Variants in CACNG2 observed in about 807,000 individuals in gnomAD.
CACNG2 encodes the protein calcium voltage-gated channel auxiliary subunit gamma 2, also known as voltage-dependent calcium channel gamma-2 subunit.
In CACNG2, 3 loss-of-function variants were observed where a neutral mutation model predicts 25.9. That is an observed-to-expected ratio of 0.12 (90% CI 0.05 to 0.30). CACNG2 has a LOEUF of 0.30. Among genes scored for constraint, CACNG2 ranks in the 10% least tolerant of loss-of-function variants. The pLI is 1.00. For missense variants in CACNG2, 341 were observed against 432.5 expected (o/e 0.79, Z 1.88); for synonymous variants, 167 against 173.3 (o/e 0.96, Z 0.29).
At chr22:36,600,437 T>G (rs1935737912) in intron 1 of CACNG2, among the ~76,000 whole-genome samples, 1 of 82,060 alleles carries the variant, frequency 1.2e-5, no homozygotes, top group Non-Finnish European at 2.9e-5. Context: ...TTTAGGTAAA[T>G]AAACCAAAAA....
chr22:36,571,438 C>T (rs929101212), intron 2 of CACNG2, among the ~76,000 whole-genome samples: 20 of 151,868 alleles, frequency 1.3e-4, no homozygotes, highest in Middle Eastern at 3.4e-3. Flanking sequence ...GCCTGGGTGA[C>T]GGAGCGAGGT....
chr22:36,683,564 C>A (rs1311367152), intron 1 of CACNG2, among the ~76,000 whole-genome samples: 1 of 152,154 alleles, frequency 6.6e-6, no homozygotes, highest in Non-Finnish European at 1.5e-5. Flanking sequence ...CCTGTTATGA[C>A]AAAACTGCCT....
At chr22:36,618,057 G>T (rs1196561820) in intron 1 of CACNG2, among the ~76,000 whole-genome samples, 1 of 152,156 alleles carries the variant, frequency 6.6e-6, no homozygotes, top group Non-Finnish European at 1.5e-5. Context: ...GCAGGAGAAG[G>T]GACAGGTAGT....
intron 1 of CACNG2, among the ~76,000 whole-genome samples, chr22:36,593,567 G>C (rs144517360): frequency 6.6e-6 from 1 of 152,284 alleles, no homozygotes; most frequent in African/African-American, 2.4e-5. Flanking sequence ...ATTTCCATTA[G>C]AGCAAGGACA....
intron 1 of CACNG2, among the ~76,000 whole-genome samples, chr22:36,688,010 T>G (rs1189028392): frequency 6.6e-6 from 1 of 152,146 alleles, no homozygotes; most frequent in African/African-American, 2.4e-5. Context: ...TTTTAAGCAC[T>G]AAGTTCGTGT....
chr22:36,571,591 T>C (rs1935225737), intron 2 of CACNG2, among the ~76,000 whole-genome samples: 1 of 151,340 alleles, frequency 6.6e-6, no homozygotes, highest in African/African-American at 2.4e-5. Context: ...AAGAATTAAA[T>C]TGGGGCTGGG....
rs78253493 is a variant in CACNG2, at chr22:36,575,336, T to C, written c.296-8843A>G. On this transcript the variant is annotated intron_variant, in intron 2 of 3. Transcript: ENST00000300105. ...GCTATCTGTTCTTTGCAAATCTGCTTTTTGGCCAAACTCCCTAGACAAATC... is the reference window on the plus strand; with the variant it reads ...GCTATCTGTTCTTTGCAAATCTGCTCTTTGGCCAAACTCCCTAGACAAATC... 7.8e-3 allele frequency among the ~76,000 whole-genome samples: 1,186 copies of C among 152,190 alleles called. 20 individuals carry two copies. The highest frequency in any genetic ancestry group is 0.027 in the African/African-American group (1,126 of 41,518).
At chr22:36,693,183 T>A (rs1937288703) in intron 1 of CACNG2, among the ~76,000 whole-genome samples, 1 of 152,128 alleles carries the variant, frequency 6.6e-6, no homozygotes, top group Admixed American at 6.6e-5. Flanking sequence ...GGGGGGCTAC[T>A]GTAGACAGGG....
intron 1 of CACNG2, among the ~76,000 whole-genome samples, chr22:36,631,962 A>T (rs1385071263): frequency 2.0e-5 from 3 of 152,082 alleles, no homozygotes; most frequent in Non-Finnish European, 4.4e-5. Flanking sequence ...AATCAGAATC[A>T]TTTTCCTATT....
intron 1 of CACNG2, among the ~76,000 whole-genome samples, chr22:36,655,408 C>G (rs1210517386): frequency 6.6e-6 from 1 of 152,136 alleles, no homozygotes; most frequent in African/African-American, 2.4e-5. Context: ...TGTTGATGTG[C>G]CCACCCTAGT....
At chr22:36,569,832 G>A (rs1236052485) in intron 2 of CACNG2, among the ~76,000 whole-genome samples, 6 of 152,156 alleles carry the variant, frequency 3.9e-5, no homozygotes, top group Admixed American at 1.3e-4. Flanking sequence ...GAGCCACCGC[G>A]CCCGGCCGTT....
chr22:36,692,533 C>T (rs552292312), intron 1 of CACNG2, among the ~76,000 whole-genome samples: 3 of 152,318 alleles, frequency 2.0e-5, no homozygotes, highest in South Asian at 2.1e-4. Flanking sequence ...AGGGGAAACA[C>T]CTGCTTGTTA....
At chr22:36,638,548 T>G (rs1457724034) in intron 1 of CACNG2, among the ~76,000 whole-genome samples, 1 of 152,210 alleles carries the variant, frequency 6.6e-6, no homozygotes, top group Non-Finnish European at 1.5e-5. Context: ...CCAGTTTTTC[T>G]CTGGATGACT....
intron 1 of CACNG2, among the ~76,000 whole-genome samples, chr22:36,602,409 A>G (rs1387377701): frequency 6.6e-6 from 1 of 152,046 alleles, no homozygotes; most frequent in Non-Finnish European, 1.5e-5. Flanking sequence ...TTTTTGAGAC[A>G]GAATCTTGCT....
chr22:36,602,397 A>T (rs550530615), intron 1 of CACNG2, among the ~76,000 whole-genome samples: 108 of 151,674 alleles, frequency 7.1e-4, no homozygotes, highest in South Asian at 4.6e-3. Context: ...ATATATATAT[A>T]TTTTTTGAGA....
At chr22:36,611,991 G>A (rs1399480937) in intron 1 of CACNG2, among the ~76,000 whole-genome samples, 2 of 152,232 alleles carry the variant, frequency 1.3e-5, no homozygotes, top group South Asian at 4.1e-4. Context: ...TCAAAACATG[G>A]TTGTGAAGAT....
chr22:36,702,281 G>C (rs936505314), intron 1 of CACNG2, 85 bp downstream of exon 1: 7 of 819,012 alleles, frequency 8.5e-6, no homozygotes, highest in South Asian at 3.2e-5. Context: ...AATGTAAAGG[G>C]GACTTATTTG....
chr22:36,655,784 C>A (rs576508003), intron 1 of CACNG2, among the ~76,000 whole-genome samples: 2,985 of 144,462 alleles, frequency 0.021, 114 homozygotes, highest in African/African-American at 0.075. Context: ...TTCCTTCCTT[C>A]CTTCCTTCCT....
chr22:36,629,951 A>G (rs1353742109), intron 1 of CACNG2, among the ~76,000 whole-genome samples: 2 of 152,226 alleles, frequency 1.3e-5, no homozygotes, highest in Non-Finnish European at 1.5e-5. Flanking sequence ...GTAGCCAGGG[A>G]GTCCATCTCA....
Sources: gnomAD v4.1 joint callset for allele counts (sites outside exome capture counted in the v4.1 genomes callset) on GRCh38, gnomAD v4.1.1 for gene constraint, MANE v1.5 for transcripts, NCBI Gene and HGNC (gene_info 2026-07-23, HGNC 2026-07-21) for gene names.